Variants in CEP295 observed in about 807,000 individuals in gnomAD.
CEP295 encodes centrosomal protein of 295 kDa.
In CEP295, 190 loss-of-function variants were observed where a neutral mutation model predicts 291.6. The observed-to-expected ratio is 0.65, with a 90% CI of 0.58 to 0.73. The LOEUF (loss-of-function observed/expected upper bound fraction) is 0.73. CEP295 is among the 30% of genes least tolerant of loss of function. The pLI, the probability that CEP295 is intolerant of heterozygous loss-of-function variation, is 0.00. For missense variants in CEP295, 2,863 were observed against 2,949.4 expected (o/e 0.97, Z 0.68); for synonymous variants, 993 against 1,038.8 (o/e 0.96, Z 0.85).
Position 93,720,489 on chromosome 11 carries a change from A to AAAAAAAAG in CEP295, c.5750-822_5750-821insAAAAAAGA, listed in dbSNP as rs34039567. On this transcript the variant is annotated intron_variant, in intron 18 of 29. Transcript: ENST00000325212. ...AGTCTGCCTCAAAAAAAAAAAAAAA[A>AAAAAAAAG]ACTGTCTCTAAAAAAATGAAATAAA... Among the ~76,000 whole-genome samples, 99 of 121,318 alleles carry AAAAAAAAG rather than the reference A, an allele frequency of 8.2e-4. 3 individuals carry two copies. The highest frequency in any genetic ancestry group is 1.3e-3 in the East Asian group (5 of 3,914). The allele number at this position is 121,318 out of a possible 152,430, so 79.6% of individuals were successfully genotyped here. A position where few individuals can be genotyped will look rare whatever the true frequency, so the allele number is the denominator to read the frequency against.
At chr11:93,713,734 A>T (rs1288741024) in intron 18 of CEP295, among the ~76,000 whole-genome samples, 1 of 152,124 alleles carries the variant, frequency 6.6e-6, no homozygotes, top group East Asian at 1.9e-4. Flanking sequence ...CTCTGTTATT[A>T]TCCCTTTGAA....
chr11:93,730,283 G>GT lies in CEP295; in HGVS notation c.*15dup. On this transcript the variant is annotated 3_prime_UTR_variant, in exon 30 of 30. Transcript: ENST00000325212. ...AATACATGCTGACTTTCTAGAAATAGTGTAAAGGTTTTTTAATTGTGTATA... is the reference window on the plus strand; with the variant it reads ...AATACATGCTGACTTTCTAGAAATAGTTGTAAAGGTTTTTTAATTGTGTATA... The GT allele has an allele frequency of 1.3e-6, 2 of 1,524,452 alleles. 1 individual carries two copies. The highest frequency in any genetic ancestry group is 2.4e-5 in the South Asian group (2 of 83,550). 94.4% of individuals were successfully genotyped at this position (1,524,452 alleles called of 1,614,324 possible).
intron 18 of CEP295, chr11:93,719,601 TCTC>T (rs1953545054): frequency 6.6e-6 from 1 of 151,992 alleles, no homozygotes; most frequent in South Asian, 2.1e-4. Context: ...GAAAAATAAT[TCTC>T]CTGGTCCGAA....
Position 93,691,980 on chromosome 11 carries a change from CA to C in CEP295, c.1484del (p.His495LeufsTer18), listed in dbSNP as rs1951577838. The C allele has an allele frequency of 6.5e-7, 1 of 1,545,932 alleles. No homozygotes were observed. The highest frequency in any genetic ancestry group is 2.0e-5 in the Admixed American group (1 of 50,866). On this transcript the variant is annotated frameshift_variant, in exon 12 of 30. Transcript: ENST00000325212. LOFTEE classifies it high-confidence loss of function. ...TTVAQSSVLL[H>X]PQEAAARIRM... ...TGTAGCTCAGAGTTCAGTTCTACTT[CA>C]TCCTCAAGAAGCAGCAGCCAGGATT...
At chr11:93,684,963 T>C (rs116724884) in intron 9 of CEP295, among the ~76,000 whole-genome samples, 120 of 152,350 alleles carry the variant, frequency 7.9e-4, no homozygotes, top group African/African-American at 2.8e-3. Context: ...CAAACATCTC[T>C]ATCTCCAACA....
chr11:93,728,105 T>G (rs566368012), intron 24 of CEP295: 1 of 156,566 alleles, frequency 6.4e-6, no homozygotes, highest in South Asian at 2.0e-4. Flanking sequence ...CTCCTCATAT[T>G]AAGCAACTTA....
At chr11:93,668,507 C>T (rs1350574651) in intron 3 of CEP295, among the ~76,000 whole-genome samples, 1 of 152,122 alleles carries the variant, frequency 6.6e-6, no homozygotes, top group African/African-American at 2.4e-5. Flanking sequence ...TTTGCCCTGA[C>T]TGGGAAACTA....
rs371199409 is a variant in CEP295 at position 93,724,469 on chromosome 11, C to G, written c.6318+94C>G. The G allele has an allele frequency of 2.4e-6, 3 of 1,249,108 alleles. No individual in the cohort carries two copies. In the East Asian group the frequency reaches 7.7e-5, roughly 32 times the overall value. The allele number at this position is 1,249,108 out of a possible 1,614,324, so 77.4% of individuals were successfully genotyped here. ...AACAAAAGTTCTTCTAAACCCTTAC[C>G]TAGAATCACATGGAAGTCTGGGCAC... is the stretch of plus-strand genomic sequence containing the variant. On this transcript the variant is annotated intron_variant, in intron 22 of 29. Transcript: ENST00000325212.
chr11:93,676,001 G>A (rs866652720), intron 6 of CEP295, among the ~76,000 whole-genome samples: 23 of 151,932 alleles, frequency 1.5e-4, no homozygotes, highest in Admixed American at 6.6e-4. Flanking sequence ...TGTCACCAAA[G>A]TGGAATATAG....
In CEP295 at chr11:93,730,035, T is replaced by C; in HGVS notation, c.7668-14T>C. The C allele has an allele frequency of 6.6e-7, 1 of 1,524,076 alleles. No individual in the cohort carries two copies. The highest frequency in any genetic ancestry group is 8.8e-7 in the Non-Finnish European group (1 of 1,135,462). The allele number at this position is 1,524,076 out of a possible 1,614,324, so 94.4% of individuals were successfully genotyped here. ...TGCAGTGTTTGTCTCTAATTCTATA[T>C]AAATTCTTTACAGGTTATACAATCA... On this transcript the variant is annotated splice_polypyrimidine_tract_variant and intron_variant, in intron 28 of 29. Transcript: ENST00000325212.
chr11:93,728,932 CTAAG>C lies in CEP295; in HGVS notation c.7302+112_7302+115del, dbSNP rs1273738623. 3.6e-5 allele frequency: 33 copies of C among 918,330 alleles called. No individual in the cohort carries two copies. In the East Asian group the frequency reaches 3.8e-4, roughly 11 times the overall value. The allele number at this position is 918,330 out of a possible 1,614,324, so 56.9% of individuals were successfully genotyped here. A position where few individuals can be genotyped will look rare whatever the true frequency, so the allele number is the denominator to read the frequency against. On this transcript the variant is annotated intron_variant, in intron 25 of 29. Coordinates refer to ENST00000325212, the MANE Select transcript of CEP295 (RefSeq NM_033395.2). ...GGAGGGAATTATGCTATGCATTTAA[CTAAG>C]CCGACACCCCCACCAGCTCTCAATT...
chr11:93,664,791 C>G (rs761821151), intron 1 of CEP295, among the ~76,000 whole-genome samples: 1 of 152,132 alleles, frequency 6.6e-6, no homozygotes, highest in Non-Finnish European at 1.5e-5. Flanking sequence ...CTCCTAGCCC[C>G]TATTCTGTTT....
intron 18 of CEP295, among the ~76,000 whole-genome samples, chr11:93,713,446 A>G (rs1430445180): frequency 6.6e-6 from 1 of 152,166 alleles, no homozygotes; most frequent in East Asian, 1.9e-4. Context: ...TTACTTTTGA[A>G]GGATATTTTT....
chr11:93,727,545 C>G lies in CEP295; in HGVS notation c.7069C>G (p.Pro2357Ala). ...TGAGAATTCAGCTGAAACAGACATT[C>G]CAAAAATCACCAAAAAACTATCTCA... ...YFENSAETDI[P>A]KITKKLSQLG... Residue 2357 changes from proline (P) to alanine (A), a missense_variant, in exon 24 of 30, where the codon CCA (proline) becomes GCA (alanine). Physicochemically the swap from Pro to Ala is conservative, Grantham distance 27. This residue lies in a region of CEP295 where 2,295 missense variants were observed against 2,335.7 expected (regional missense o/e 0.98). Transcript: ENST00000325212. 1 of 1,551,384 alleles carries G rather than the reference C, an allele frequency of 6.4e-7. No individual in the cohort carries two copies. The highest frequency in any genetic ancestry group is 2.0e-5 in the Admixed American group (1 of 50,952).
chr11:93,685,617 C>T (rs1051454055), intron 9 of CEP295, among the ~76,000 whole-genome samples: 5 of 152,256 alleles, frequency 3.3e-5, no homozygotes, highest in African/African-American at 1.2e-4. Context: ...TCAGGGCTGA[C>T]TTGCCTTCCC....
chr11:93,683,487 A>G (rs1386983766), intron 7 of CEP295, 72 bp from the exon 8 acceptor site: 2 of 1,119,360 alleles, frequency 1.8e-6, no homozygotes, highest in Middle Eastern at 2.1e-4. Flanking sequence ...CATTTCCCCT[A>G]CCTGCAACAT....
intron 18 of CEP295, among the ~76,000 whole-genome samples, chr11:93,720,902 G>A (rs1002527740): frequency 1.3e-5 from 2 of 152,106 alleles, no homozygotes; most frequent in African/African-American, 4.8e-5. Flanking sequence ...TGGCCCTGGT[G>A]TTTTCTTTAT....
intron 9 of CEP295, among the ~76,000 whole-genome samples, chr11:93,686,520 A>G (rs1304896986): frequency 6.6e-6 from 1 of 152,090 alleles, no homozygotes; most frequent in Non-Finnish European, 1.5e-5. Context: ...TAGAAATCTC[A>G]TTGTTTTTAA....
intron 18 of CEP295, among the ~76,000 whole-genome samples, chr11:93,707,390 T>G (rs1324225392): frequency 2.0e-4 from 30 of 152,206 alleles, no homozygotes; most frequent in Admixed American, 2.0e-3. Context: ...TAGCACAGGA[T>G]ATTTTATATA....
Sources: gnomAD v4.1 joint callset for allele counts (sites outside exome capture counted in the v4.1 genomes callset) on GRCh38, gnomAD v4.1.1 for gene constraint, gnomAD v4.1.1 regional missense constraint, MANE v1.5 for transcripts, NCBI Gene and HGNC (gene_info 2026-07-23, HGNC 2026-07-21) for gene names.